The following SPTBN1 variants were observed in gnomAD, a reference collection of about 807,000 sequenced individuals.
SPTBN1 encodes the protein spectrin beta chain, non-erythrocytic 1.
Under a neutral mutation model 266.4 loss-of-function variants are expected in SPTBN1, and 32 were observed. The ratio of observed to expected loss-of-function variants is 0.12; its 90% CI spans 0.09 to 0.16. The LOEUF is 0.16. Among genes scored for constraint, SPTBN1 ranks in the 10% least tolerant of loss-of-function variants. SPTBN1 has a pLI of 1.00. For synonymous variants in SPTBN1, 1,336 were observed against 1,162.2 expected, an observed-to-expected ratio of 1.15 and a Z score of -3.04; for missense variants, 2,296 against 3,067.1, an observed-to-expected ratio of 0.75 and a Z score of 5.94.
chr2:54,557,888 C>T (rs1174547974), intron 2 of SPTBN1: 1 of 985,312 alleles, frequency 1.0e-6, no homozygotes, highest in African/African-American at 1.7e-5. Context: ...CTGACTTCTT[C>T]CCGGTGGCTC....
intron 1 of SPTBN1, among the ~76,000 whole-genome samples, chr2:54,524,581 G>A (rs1397805089): frequency 6.6e-6 from 1 of 152,032 alleles, no homozygotes; most frequent in Non-Finnish European, 1.5e-5. Flanking sequence ...CTCCCAAGTG[G>A]CCCCTGCTTC....
intron 1 of SPTBN1, among the ~76,000 whole-genome samples, chr2:54,510,165 G>T (rs1669781202): frequency 6.6e-6 from 1 of 151,852 alleles, no homozygotes; most frequent in African/African-American, 2.4e-5. Context: ...CACCATGTTG[G>T]CCAGGCTGGT....
At chr2:54,667,941 G>A (rs1159877275) in intron 35 of SPTBN1, among the ~76,000 whole-genome samples, 1 of 152,198 alleles carries the variant, frequency 6.6e-6, no homozygotes, top group African/African-American at 2.4e-5. Context: ...GGATCATGAT[G>A]GGACCCCCGC....
rs751221920 is a variant in SPTBN1, at chr2:54,649,818, C to T, written c.5406C>T (p.Ala1802=). 1.5e-5 allele frequency: 25 copies of T among 1,614,048 alleles called. No individual in the cohort carries two copies. Among genetic ancestry groups the T allele is most frequent in the East Asian group, 4.5e-5 (2 of 44,900 alleles). ...TTGACACAAGAACACAGATTCTTGC[C>T]GCTTCCTATGAACTGCACAAGTTTT... ...ELIDTRTQIL[A]ASYELHKFYH... Residue 1802 remains alanine (A), a synonymous_variant, in exon 26 of 36, where the codon GCC becomes GCT. Transcript: ENST00000356805. This position sits in a 1 kb window ranked among gnomAD's most constrained non-coding sequence, Gnocchi z 6.7.
intron 1 of SPTBN1, among the ~76,000 whole-genome samples, chr2:54,483,833 C>A (rs890615543): frequency 5.3e-5 from 8 of 152,198 alleles, no homozygotes; most frequent in Non-Finnish European, 8.8e-5. Flanking sequence ...GTGCCTGTTG[C>A]AGACCTTATT....
intron 1 of SPTBN1, among the ~76,000 whole-genome samples, chr2:54,522,701 A>AGAG (rs1558802720): frequency 3.0e-4 from 21 of 70,172 alleles, no homozygotes; most frequent in Non-Finnish European, 4.1e-4. Context: ...GAGAGAGAGA[A>AGAG]AGAAAGAAAG....
chr2:54,646,340 C>A lies in SPTBN1; in HGVS notation c.4731C>A (p.Leu1577=). Residue 1577 remains leucine (L), a synonymous_variant, in exon 23 of 36, where the codon CTC becomes CTA. Coordinates refer to ENST00000356805, the MANE Select transcript of SPTBN1 (RefSeq NM_003128.3). The surrounding 1 kb of genome is among the most constrained non-coding windows in gnomAD (Gnocchi z 4.4). Reference sequence around the variant, plus strand: ...ACCTGAAGCAGCTGTGGGGTCTCCTCATTGAGGAGACAGAGAAACGCCACA... The same window carrying A: ...ACCTGAAGCAGCTGTGGGGTCTCCTAATTGAGGAGACAGAGAAACGCCACA... ...LADLKQLWGL[L]IEETEKRHRR... 4 of 1,614,126 alleles carry A rather than the reference C, an allele frequency of 2.5e-6. No homozygotes were observed. Among genetic ancestry groups the A allele is most frequent in the Non-Finnish European group, 3.4e-6 (4 of 1,179,994 alleles).
intron 24 of SPTBN1, among the ~76,000 whole-genome samples, chr2:54,648,400 G>A (rs1429297131): frequency 2.0e-5 from 3 of 152,128 alleles, no homozygotes; most frequent in Non-Finnish European, 4.4e-5. Context: ...TCCTGACTGC[G>A]CACCTGGGAA....
intron 17 of SPTBN1, among the ~76,000 whole-genome samples, chr2:54,636,064 A>G (rs771964380): frequency 5.3e-5 from 8 of 152,218 alleles, no homozygotes; most frequent in Non-Finnish European, 1.2e-4. Context: ...GGGGAAAACT[A>G]CTGCCCTTAA....
chr2:54,503,240 T>C (rs912526030), intron 1 of SPTBN1, among the ~76,000 whole-genome samples: 7 of 152,250 alleles, frequency 4.6e-5, no homozygotes, highest in Admixed American at 1.3e-4. Context: ...CGCATGGAGA[T>C]ATGAACACAA....
chr2:54,592,668 T>TTC (rs1390456935), intron 2 of SPTBN1, among the ~76,000 whole-genome samples: 2 of 152,244 alleles, frequency 1.3e-5, no homozygotes, highest in African/African-American at 4.8e-5. Context: ...GAATTACAGG[T>TTC]GTGAGCCAAC....
chr2:54,510,351 A>G (rs1170018123), intron 1 of SPTBN1, among the ~76,000 whole-genome samples: 1 of 152,196 alleles, frequency 6.6e-6, no homozygotes, highest in Non-Finnish European at 1.5e-5. Context: ...CTGTCTCCGA[A>G]TACAATCACA....
intron 1 of SPTBN1, among the ~76,000 whole-genome samples, chr2:54,461,373 T>C (rs1401936055): frequency 1.3e-5 from 2 of 152,220 alleles, no homozygotes; most frequent in African/African-American, 4.8e-5. Flanking sequence ...GATTCCAGGT[T>C]TTTTTGCTAT....
At chr2:54,496,225 C>G (rs1668960483) in intron 1 of SPTBN1, among the ~76,000 whole-genome samples, 1 of 151,966 alleles carries the variant, frequency 6.6e-6, no homozygotes, top group Non-Finnish European at 1.5e-5. Flanking sequence ...ATTGCCTAAG[C>G]TCAGGAGTTC....
chr2:54,628,308 A>T lies in SPTBN1; in HGVS notation c.1798+58A>T. ...GGTCACCAGAGATTCATATTTATAG[A>T]AACACAGTGGGGCTTTTGAAGTTAC... is the stretch of plus-strand genomic sequence containing the variant. On this transcript the variant is annotated intron_variant, in intron 13 of 35. Coordinates refer to ENST00000356805, the MANE Select transcript of SPTBN1 (RefSeq NM_003128.3). This position sits in a 1 kb window ranked among gnomAD's most constrained non-coding sequence, Gnocchi z 4.3. The T allele has an allele frequency of 6.5e-7, 1 of 1,530,446 alleles. No homozygotes were observed. Among genetic ancestry groups the T allele is most frequent in the Non-Finnish European group, 8.8e-7 (1 of 1,139,898 alleles). The allele number at this position is 1,530,446 out of a possible 1,614,324, so 94.8% of individuals were successfully genotyped here.
intron 17 of SPTBN1, among the ~76,000 whole-genome samples, chr2:54,636,582 G>A (rs997608358): frequency 2.0e-5 from 3 of 152,136 alleles, no homozygotes; most frequent in Admixed American, 6.5e-5. Flanking sequence ...TTCAGACACC[G>A]GTCAGCAGCA....
At position 54,629,324 on chromosome 2, in the gene SPTBN1, G is replaced by T; in HGVS notation, c.2190G>T (p.Glu730Asp). 1 of 1,614,056 alleles carries T rather than the reference G, an allele frequency of 6.2e-7. No individual in the cohort carries two copies. Among genetic ancestry groups the T allele is most frequent in the South Asian group, 1.1e-5 (1 of 91,086 alleles). ...TCCGGGAGCAGTGGGCCAACCTAGA[G>T]CAGCTCTCGGCCATTCGGAAGAAGC... ...IYIREQWANL[E>D]QLSAIRKKRL... Residue 730 changes from glutamate to aspartate, a missense_variant, in exon 14 of 36, where the codon GAG becomes GAT. This residue lies in a region of SPTBN1 where 434 missense variants were observed against 573.9 expected (regional missense o/e 0.76). Coordinates refer to ENST00000356805, the MANE Select transcript of SPTBN1 (RefSeq NM_003128.3).
At chr2:54,492,863 T>C (rs1398212550) in intron 1 of SPTBN1, among the ~76,000 whole-genome samples, 2 of 152,248 alleles carry the variant, frequency 1.3e-5, no homozygotes, top group Non-Finnish European at 2.9e-5. Flanking sequence ...AGCTCTGTTA[T>C]GCTATTACAC....
At chr2:54,624,783 T>C (rs1040114353) in intron 10 of SPTBN1, 21 bp from the exon 11 acceptor site, 1 of 1,613,872 alleles carries the variant, frequency 6.2e-7, no homozygotes, top group African/African-American at 1.3e-5. Flanking sequence ...TTTGTGTGTG[T>C]GTGTATTTTC....
Sources: allele counts gnomAD v4.1 joint callset (sites outside exome capture counted in the v4.1 genomes callset), GRCh38; gene constraint gnomAD v4.1.1; regional missense constraint gnomAD v4.1.1; non-coding constraint Gnocchi (gnomAD v3.1); transcripts MANE v1.5; gene names NCBI Gene and HGNC (gene_info 2026-07-23, HGNC 2026-07-21).